INPP4B: variants seen among roughly 807,000 people sequenced by gnomAD.
INPP4B encodes inositol polyphosphate-4-phosphatase type II B, also known as inositol polyphosphate 4-phosphatase type II.
Under a neutral mutation model 122.5 loss-of-function variants are expected in INPP4B, and 55 were observed. The observed-to-expected ratio is 0.45, with a 90% CI of 0.36 to 0.56. The LOEUF (loss-of-function observed/expected upper bound fraction) is 0.56, where lower values mean the gene tolerates loss of function less well. Ranked by LOEUF, INPP4B falls within the 20% of genes least tolerant of loss-of-function variation. INPP4B has a pLI of 0.00. For missense variants in INPP4B, 1,000 were observed against 1,097.7 expected (o/e 0.91, Z 1.26); for synonymous variants, 403 against 388.7 (o/e 1.04, Z -0.43).
In INPP4B at chr4:142,261,058, G is replaced by T. The variant is rs538606811; in HGVS notation, c.616-494C>A. Among the ~76,000 whole-genome samples, 121 of 152,320 alleles carry T rather than the reference G, an allele frequency of 7.9e-4. 3 individuals are homozygous for T. The South Asian group carries it at 0.024, about 31-fold the overall frequency. ...AACAACGCAAGCACTTGCTCAAAAA[G>T]TATGAGGATCATTTATAAATAAGCT... On this transcript the variant is annotated intron_variant, in intron 10 of 25. Transcript: ENST00000262992.
chr4:142,377,955 G>C (rs141799603), intron 7 of INPP4B, among the ~76,000 whole-genome samples: 1 of 152,034 alleles, frequency 6.6e-6, no homozygotes, highest in African/African-American at 2.4e-5. Flanking sequence ...GTCAGATACC[G>C]TCAAACTGCT....
chr4:142,658,281 A>C (rs1357942155), intron 2 of INPP4B, among the ~76,000 whole-genome samples: 4 of 152,248 alleles, frequency 2.6e-5, no homozygotes, highest in African/African-American at 9.6e-5. Flanking sequence ...GCTTCTGATA[A>C]CTTTGGATAT....
At chr4:142,502,692 G>C (rs1823543252) in intron 2 of INPP4B, among the ~76,000 whole-genome samples, 1 of 151,886 alleles carries the variant, frequency 6.6e-6, no homozygotes, top group Admixed American at 6.6e-5. Context: ...TATTGGCCAG[G>C]CTGGTCTTGA....
chr4:142,248,991 A>C (rs3113511), intron 11 of INPP4B, among the ~76,000 whole-genome samples: 116,474 of 151,310 alleles, frequency 0.77, 45,863 homozygotes, highest in East Asian at 0.93. Flanking sequence ...AGTAGCTTAC[A>C]ATCTAGTATC....
rs377098458 is a variant in INPP4B, at chr4:142,160,339, C to T, written c.1563+19G>A. The T allele has an allele frequency of 2.5e-5, 35 of 1,390,944 alleles. No homozygotes were observed. Among genetic ancestry groups the T allele is most frequent in the Middle Eastern group, 4.7e-4 (2 of 4,280 alleles). The allele number at this position is 1,390,944 out of a possible 1,614,324, so 86.2% of individuals were successfully genotyped here. A position where few individuals can be genotyped will look rare whatever the true frequency, so the allele number is the denominator to read the frequency against. On this transcript the variant is annotated intron_variant, in intron 17 of 25. Transcript: ENST00000262992. ...TCATTGCCAAACATTGAGAGGCAAGCGATATACAAGAGACTTACCCACTCT... is the reference window on the plus strand; with the variant it reads ...TCATTGCCAAACATTGAGAGGCAAGTGATATACAAGAGACTTACCCACTCT...
chr4:142,833,698 C>T (rs1233048311), intron 1 of INPP4B, among the ~76,000 whole-genome samples: 3 of 151,926 alleles, frequency 2.0e-5, no homozygotes, highest in East Asian at 1.9e-4. Context: ...TGGGCTCAAG[C>T]GAACCTCCCA....
chr4:142,628,336 T>C (rs989247393), intron 2 of INPP4B, among the ~76,000 whole-genome samples: 1 of 142,486 alleles, frequency 7.0e-6, no homozygotes, highest in Non-Finnish European at 1.5e-5. Context: ...CCGCATATTC[T>C]CACTCATAGG....
At chr4:142,618,777 A>C (rs1744237309) in intron 2 of INPP4B, among the ~76,000 whole-genome samples, 1 of 152,036 alleles carries the variant, frequency 6.6e-6, no homozygotes, top group Non-Finnish European at 1.5e-5. Context: ...AACAATCAAC[A>C]AAATGAAAAG....
chr4:142,506,849 T>G (rs1226303933), intron 2 of INPP4B, among the ~76,000 whole-genome samples: 1 of 152,232 alleles, frequency 6.6e-6, no homozygotes, highest in East Asian at 1.9e-4. Context: ...GAAAAAGCTC[T>G]GTGATCTTTC....
At chr4:142,271,298 G>A (rs763814016) in intron 9 of INPP4B, among the ~76,000 whole-genome samples, 5 of 152,212 alleles carry the variant, frequency 3.3e-5, no homozygotes, top group South Asian at 2.1e-4. Flanking sequence ...ACGGACTGTC[G>A]AAAAGTACCT....
In INPP4B at chr4:142,031,768, T is replaced by G. The variant is rs138208194; in HGVS notation, c.2643-2854A>C. 8.1e-4 allele frequency among the ~76,000 whole-genome samples: 123 copies of G among 152,294 alleles called. 1 individual carries two copies. In the East Asian group the frequency reaches 0.018, roughly 23 times the overall value. On this transcript the variant is annotated intron_variant, in intron 25 of 25. Coordinates refer to ENST00000262992, the MANE Select transcript of INPP4B (RefSeq NM_001101669.3). Reference sequence around the variant, plus strand: ...CCTTACATTATATTATTTCTTCTATTGGCTTCAAATCCCTAATTGTTAATC... The same window carrying G: ...CCTTACATTATATTATTTCTTCTATGGGCTTCAAATCCCTAATTGTTAATC...
chr4:142,510,345 A>T (rs1274707888), intron 2 of INPP4B, among the ~76,000 whole-genome samples: 1 of 152,196 alleles, frequency 6.6e-6, no homozygotes, highest in Non-Finnish European at 1.5e-5. Flanking sequence ...AAATTTGCAG[A>T]TGCTCTTTCA....
At chr4:142,119,633 T>C (rs573045023) in intron 21 of INPP4B, among the ~76,000 whole-genome samples, 24 of 150,230 alleles carry the variant, frequency 1.6e-4, no homozygotes, top group South Asian at 6.4e-4. Context: ...ACATCATACA[T>C]TGGAGTCTGT....
intron 2 of INPP4B, among the ~76,000 whole-genome samples, chr4:142,475,041 A>G (rs1258383273): frequency 6.6e-6 from 1 of 152,206 alleles, no homozygotes; most frequent in East Asian, 1.9e-4. Flanking sequence ...GTGATCTCCC[A>G]GGAAGCACAA....
chr4:142,076,165 T>C (rs998193621), intron 25 of INPP4B, among the ~76,000 whole-genome samples: 2 of 151,946 alleles, frequency 1.3e-5, no homozygotes. Flanking sequence ...GGGAAAGAAA[T>C]AGACTTCAAA....
intron 1 of INPP4B, among the ~76,000 whole-genome samples, chr4:142,797,695 GCAAT>G (rs752657850): frequency 3.3e-5 from 5 of 151,608 alleles, no homozygotes; most frequent in Admixed American, 6.6e-5. Flanking sequence ...AAAAAAAATG[GCAAT>G]CATTTTGTCA....
intron 3 of INPP4B, among the ~76,000 whole-genome samples, chr4:142,446,539 AC>A (rs1421754017): frequency 7.2e-5 from 11 of 152,350 alleles, no homozygotes; most frequent in Admixed American, 4.6e-4. Context: ...ATAAACTCTT[AC>A]AAATGCATAT....
intron 2 of INPP4B, among the ~76,000 whole-genome samples, chr4:142,560,143 T>C (rs1230266049): frequency 6.6e-6 from 1 of 152,198 alleles, no homozygotes; most frequent in South Asian, 2.1e-4. Flanking sequence ...GAGATTGCTA[T>C]GGAAGTGAGG....
At chr4:142,367,078 G>C (rs1194298248) in intron 7 of INPP4B, among the ~76,000 whole-genome samples, 1 of 152,124 alleles carries the variant, frequency 6.6e-6, no homozygotes, top group African/African-American at 2.4e-5. Context: ...GCTGAAGCCA[G>C]AAGTAGGGCT....
Sources: allele counts gnomAD v4.1 joint callset (sites outside exome capture counted in the v4.1 genomes callset), GRCh38; gene constraint gnomAD v4.1.1; transcripts MANE v1.5; gene names NCBI Gene and HGNC (gene_info 2026-07-23, HGNC 2026-07-21).